The following SPTA1 variants were observed in gnomAD, a reference collection of about 807,000 sequenced individuals.
SPTA1 encodes spectrin alpha, erythrocytic 1.
SPTA1 carries 177 observed loss-of-function variants against 324.7 expected under a neutral mutation model. The observed-to-expected ratio is 0.55, with a 90% CI of 0.48 to 0.62. SPTA1 has a LOEUF of 0.62. Ranked by LOEUF, SPTA1 falls within the 20% of genes least tolerant of loss-of-function variation. SPTA1 has a pLI of 0.00. For synonymous variants in SPTA1, 1,195 were observed against 1,041.3 expected, an observed-to-expected ratio of 1.15 and a Z score of -2.84; for missense variants, 3,162 against 2,883.6, an observed-to-expected ratio of 1.10 and a Z score of -2.21.
chr1:158,615,265 G>A lies in SPTA1; in HGVS notation c.6739C>T (p.Gln2247Ter), dbSNP rs775515739. 1.9e-6 allele frequency: 3 copies of A among 1,613,744 alleles called. No individual in the cohort carries two copies. The highest frequency in any genetic ancestry group is 1.1e-5 in the South Asian group (1 of 91,062). Residue 2247 changes from glutamine to a stop codon, truncating the protein, a stop_gained, in exon 48 of 52, where the codon CAG becomes TAG. Transcript: ENST00000643759. LOFTEE classifies it high-confidence loss of function. ...GLAQQWDQLY[Q>*]LGLRMQHNLE... is the part of the protein sequence containing the mutation. ...TTGTGTTGCATCCGCAACCCAAGCT[G>A]GTAGAGCTGGTCCCACTGCTGAGCC...
Position 158,611,137 on chromosome 1 carries a change from A to G in SPTA1, c.*127T>C, listed in dbSNP as rs980549621. On this transcript the variant is annotated 3_prime_UTR_variant, in exon 52 of 52. Coordinates refer to ENST00000643759, the MANE Select transcript of SPTA1 (RefSeq NM_003126.4). Reference sequence around the variant, plus strand: ...AATATGCACACAAACACAAGCACACACACACACACACACACACACACACAC... The same window carrying G: ...AATATGCACACAAACACAAGCACACGCACACACACACACACACACACACAC... 88 of 870,788 alleles carry G rather than the reference A, an allele frequency of 1.0e-4. 1 individual carries two copies. The South Asian group carries it at 1.2e-3, about 12-fold the overall frequency. 53.9% of individuals were successfully genotyped at this position (870,788 alleles called of 1,614,324 possible). A position where few individuals can be genotyped will look rare whatever the true frequency, so the allele number is the denominator to read the frequency against.
At chr1:158,619,396 A>G in intron 44 of SPTA1, 62 bp from the exon 45 acceptor site, 1 of 1,533,678 alleles carries the variant, frequency 6.5e-7, no homozygotes, top group Non-Finnish European at 9.0e-7. Context: ...CCATAAGAGA[A>G]TTGGTTTGTA....
At position 158,647,592 on chromosome 1, in the gene SPTA1, A is replaced by G. The variant is rs749410560; in HGVS notation, c.3843T>C (p.Arg1281=). ...WEDLQGRTKD[R]KESLNEAQKF... ...TCTGGGCCTCATTTAGGCTCTCCTT[A>G]CGATCCTTTGTACGCCCCTGCAGGT... is the stretch of plus-strand genomic sequence containing the variant. The change falls in exon 27 of 52, where the codon CGT becomes CGC. Residue 1281 remains arginine, a synonymous_variant. Coordinates refer to ENST00000643759, the MANE Select transcript of SPTA1 (RefSeq NM_003126.4). The G allele has an allele frequency of 3.7e-6, 6 of 1,613,844 alleles. No individual in the cohort carries two copies. In the Admixed American group the frequency reaches 1.0e-4, roughly 27 times the overall value.
chr1:158,685,465 C>T, intron 1 of SPTA1, 118 bp from the exon 2 acceptor site: 1 of 1,401,564 alleles, frequency 7.1e-7, no homozygotes, highest in Non-Finnish European at 9.9e-7. Flanking sequence ...CCTGAAGTTT[C>T]TAGGGACTAT....
intron 4 of SPTA1, among the ~76,000 whole-genome samples, chr1:158,681,263 G>A (rs771124070): frequency 6.6e-6 from 1 of 152,110 alleles, no homozygotes; most frequent in African/African-American, 2.4e-5. Context: ...GTGGAAGAGA[G>A]ATGAGCCTAA....
At chr1:158,652,799 TA>T in intron 22 of SPTA1, 146 bp from the exon 23 acceptor site, 1 of 921,184 alleles carries the variant, frequency 1.1e-6, no homozygotes, top group Non-Finnish European at 1.6e-6. Flanking sequence ...GAGGAGGAAA[TA>T]AACTTAGAAG....
intron 39 of SPTA1, among the ~76,000 whole-genome samples, chr1:158,627,933 CA>C (rs1004288620): frequency 6.6e-6 from 1 of 152,104 alleles, no homozygotes; most frequent in Admixed American, 6.5e-5. Flanking sequence ...AAAAAAGAGT[CA>C]AAGATATACA....
At chr1:158,662,220 C>T (rs1330224813) in intron 17 of SPTA1, among the ~76,000 whole-genome samples, 2 of 152,130 alleles carry the variant, frequency 1.3e-5, no homozygotes, top group Non-Finnish European at 2.9e-5. Flanking sequence ...TTGTGTACAC[C>T]TTTTTCTCTG....
At position 158,651,577 on chromosome 1, in the gene SPTA1, G is replaced by A. The variant is rs371350195; in HGVS notation, c.3376-109C>T. ...TGTCCATCTCTGCCCCTACATCACC[G>A]TAATACACACCAAGCTCCTCTCCTC... On this transcript the variant is annotated intron_variant, in intron 23 of 51. Transcript: ENST00000643759. 2.4e-4 allele frequency: 183 copies of A among 778,552 alleles called. 1 individual carries two copies. Among genetic ancestry groups the A allele is most frequent in the South Asian group, 1.8e-3 (135 of 72,994 alleles). 48.2% of individuals were successfully genotyped at this position (778,552 alleles called of 1,614,324 possible). A position where few individuals can be genotyped will look rare whatever the true frequency, so the allele number is the denominator to read the frequency against.
intron 44 of SPTA1, 138 bp from the exon 45 acceptor site, chr1:158,619,472 T>A: frequency 1.2e-6 from 1 of 822,876 alleles, no homozygotes. Context: ...GCCTGTGTGC[T>A]CATATTTCAT....
Position 158,624,450 on chromosome 1 carries a change from C to G in SPTA1, c.5911-1258G>C, listed in dbSNP as rs143633225. ...TGTGGGACATGGAGTCAAAAGAGAT[C>G]ATTTTGGAACTTTAAGGTTTAATGA... On this transcript the variant is annotated intron_variant, in intron 42 of 51. Coordinates refer to ENST00000643759, the MANE Select transcript of SPTA1 (RefSeq NM_003126.4). Among the ~76,000 whole-genome samples the G allele has an allele frequency of 2.6e-4, 39 of 152,306 alleles. No homozygotes were observed. In the East Asian group the frequency reaches 7.3e-3, roughly 29 times the overall value.
intron 39 of SPTA1, among the ~76,000 whole-genome samples, chr1:158,628,876 C>A (rs371903848): frequency 6.6e-6 from 1 of 151,834 alleles, no homozygotes; most frequent in South Asian, 2.1e-4. Context: ...CTTGCAAAGA[C>A]CAAATCATGA....
intron 24 of SPTA1, 80 bp downstream of exon 24, chr1:158,651,287 T>C (rs1652410897): frequency 2.2e-6 from 2 of 917,090 alleles, no homozygotes; most frequent in Admixed American, 3.4e-5. Flanking sequence ...CTGCAGAATA[T>C]AAAGTTCCAT....
In SPTA1 at chr1:158,637,932, A is replaced by G. The variant is rs1411793038; in HGVS notation, c.5189+101T>C. ...CAAACATGAAGTAGTGCTATCTTCA[A>G]GAAACAAGTACAAATTTCATTTCAG... is the stretch of plus-strand genomic sequence containing the variant. On this transcript the variant is annotated intron_variant, in intron 36 of 51. Coordinates refer to ENST00000643759, the MANE Select transcript of SPTA1 (RefSeq NM_003126.4). 3.7e-6 allele frequency: 5 copies of G among 1,364,666 alleles called. No homozygotes were observed. The Admixed American group carries it at 5.0e-5, about 14-fold the overall frequency. The allele number at this position is 1,364,666 out of a possible 1,614,324, so 84.5% of individuals were successfully genotyped here. A position where few individuals can be genotyped will look rare whatever the true frequency, so the allele number is the denominator to read the frequency against.
rs1224052824 is a variant in SPTA1, at chr1:158,676,150, G to A, written c.1103C>T (p.Ala368Val). 2 of 1,613,456 alleles carry A rather than the reference G, an allele frequency of 1.2e-6. No individual in the cohort carries two copies. The highest frequency in any genetic ancestry group is 1.7e-6 in the Non-Finnish European group (2 of 1,179,700). The part of the protein sequence containing the change: ...LATSRYEKLQ[A>V]TYWYHRFSSD... Reference sequence around the variant, plus strand: ...GGGAGGGATTTCCCACCAATAAGTAGCCTGCAGTTTTTCATATCTGCTGGT... The same window carrying A: ...GGGAGGGATTTCCCACCAATAAGTAACCTGCAGTTTTTCATATCTGCTGGT... The change falls in exon 8 of 52, where the codon GCT (alanine) becomes GTT (valine). Residue 368 changes from alanine (A) to valine (V), a missense_variant. Ala to Val is a moderately conservative substitution (Grantham distance 64). Coordinates refer to ENST00000643759, the MANE Select transcript of SPTA1 (RefSeq NM_003126.4).
At chr1:158,680,488 G>T in intron 5 of SPTA1, 95 bp downstream of exon 5, 1 of 1,550,156 alleles carries the variant, frequency 6.5e-7, no homozygotes, top group Non-Finnish European at 8.9e-7. Flanking sequence ...TTCTCACAAT[G>T]CCCCATCTCC....
At chr1:158,653,815 T>C (rs1652635428) in intron 21 of SPTA1, among the ~76,000 whole-genome samples, 1 of 152,222 alleles carries the variant, frequency 6.6e-6, no homozygotes, top group African/African-American at 2.4e-5. Flanking sequence ...TTCTCTTCTA[T>C]TCTTCTTGCA....
chr1:158,685,484 G>A (rs887771437), intron 1 of SPTA1, 137 bp from the exon 2 acceptor site: 8 of 1,233,978 alleles, frequency 6.5e-6, no homozygotes, highest in African/African-American at 4.4e-5. Context: ...ATTGTCAGAA[G>A]AGCTGTAGTA....
chr1:158,626,325 A>T, intron 41 of SPTA1, 103 bp from the exon 42 acceptor site: 1 of 1,071,108 alleles, frequency 9.3e-7, no homozygotes, highest in African/African-American at 1.6e-5. Flanking sequence ...AAGCTTCTTG[A>T]CTCTCAAAGT....
Sources: allele counts gnomAD v4.1 joint callset (sites outside exome capture counted in the v4.1 genomes callset), GRCh38; gene constraint gnomAD v4.1.1; transcripts MANE v1.5; gene names NCBI Gene and HGNC (gene_info 2026-07-23, HGNC 2026-07-21).